NBEA: variants seen among roughly 807,000 people sequenced by gnomAD.
NBEA encodes the protein neurobeachin, also known as lysosomal-trafficking regulator 2.
NBEA carries 44 observed loss-of-function variants against 343.4 expected under a neutral mutation model. That is an observed-to-expected ratio of 0.13 (90% CI 0.10 to 0.16). NBEA has a LOEUF of 0.16. Among genes scored for constraint, NBEA ranks in the 10% least tolerant of loss-of-function variants. NBEA has a pLI of 1.00. For synonymous variants in NBEA, 1,175 were observed against 1,238.7 expected (o/e 0.95, Z 1.08); for missense variants, 2,555 against 3,631.3 (o/e 0.70, Z 7.62).
intron 36 of NBEA, among the ~76,000 whole-genome samples, chr13:35,325,021 A>G (rs2038444512): frequency 6.6e-6 from 1 of 152,138 alleles, no homozygotes. Flanking sequence ...TGAAGTTTAT[A>G]TTATTTAAAT....
chr13:35,219,819 G>A (rs564047191), intron 33 of NBEA, among the ~76,000 whole-genome samples: 1 of 152,222 alleles, frequency 6.6e-6, no homozygotes, highest in South Asian at 2.1e-4. Flanking sequence ...TCAGGCAGAA[G>A]GAGTTTGCTC....
chr13:35,295,167 G>A (rs972883472), intron 35 of NBEA, among the ~76,000 whole-genome samples: 6 of 148,150 alleles, frequency 4.0e-5, no homozygotes, highest in African/African-American at 1.5e-4. Flanking sequence ...ATATTTATTT[G>A]TTTATCTAGG....
In NBEA at chr13:35,529,843, A is replaced by AT. The variant is rs139565990; in HGVS notation, c.6586-20630dup. 7.3e-3 allele frequency among the ~76,000 whole-genome samples: 1,106 copies of AT among 152,310 alleles called. 19 individuals are homozygous for AT. Among genetic ancestry groups the AT allele is most frequent in the East Asian group, 0.064 (330 of 5,178 alleles). On this transcript the variant is annotated intron_variant, in intron 41 of 58. Transcript: ENST00000379939. Reference sequence around the variant, plus strand: ...TTGTTATTGCCATGTGAAAATACTCATTTTGTACCATTATTCTCTTTACAC... The same window carrying AT: ...TTGTTATTGCCATGTGAAAATACTCATTTTTGTACCATTATTCTCTTTACAC...
intron 1 of NBEA, among the ~76,000 whole-genome samples, chr13:34,950,495 A>C (rs1344268029): frequency 6.6e-6 from 1 of 151,816 alleles, no homozygotes; most frequent in Non-Finnish European, 1.5e-5. Context: ...ATTAAAAAAT[A>C]TTTAAATACT....
chr13:34,968,877 A>ATTAATATCAATTGATTG (rs1455429153), intron 1 of NBEA, among the ~76,000 whole-genome samples: 1 of 152,048 alleles, frequency 6.6e-6, no homozygotes, highest in Non-Finnish European at 1.5e-5. Flanking sequence ...AATATCAATT[A>ATTAATATCAATTGATTG]TTAATATCAA....
At chr13:35,383,781 C>T (rs536271918) in intron 38 of NBEA, among the ~76,000 whole-genome samples, 23 of 151,772 alleles carry the variant, frequency 1.5e-4, no homozygotes, top group African/African-American at 5.1e-4. Context: ...AATTTGACCT[C>T]GATGACAGGA....
chr13:35,116,226 C>T lies in NBEA; in HGVS notation c.2003-1188C>T, dbSNP rs1179029924. The stretch of plus-strand genomic sequence containing the variant: ...ACATAAATGCTCAAAATCAGGACCT[C>T]ATCCCTCCACTCTGCAGATAATTCC... On this transcript the variant is annotated intron_variant, in intron 13 of 58. Coordinates refer to ENST00000379939, the MANE Select transcript of NBEA (RefSeq NM_001385012.1). Among the ~76,000 whole-genome samples the T allele has an allele frequency of 3.9e-5, 6 of 152,184 alleles. 1 individual carries two copies. The South Asian group carries it at 8.3e-4, about 21-fold the overall frequency.
In NBEA at chr13:34,943,091, A is replaced by G. The variant is rs1213853770; in HGVS notation, c.271A>G (p.Ile91Val). The G allele has an allele frequency of 1.2e-6, 2 of 1,613,566 alleles. No individual in the cohort carries two copies. The highest frequency in any genetic ancestry group is 1.3e-5 in the African/African-American group (1 of 74,888). ...GGTCGGAGAGGTCAGCAACAGGGACATCGTGGAGACGGTGCTCAACCTGGT... is the reference window on the plus strand; with the variant it reads ...GGTCGGAGAGGTCAGCAACAGGGACGTCGTGGAGACGGTGCTCAACCTGGT... ...IQVGEVSNRD[I>V]VETVLNLLVG... The change falls in exon 1 of 59, where the codon ATC becomes GTC. Residue 91 changes from isoleucine (I) to valine (V), a missense_variant. By Grantham distance (29) the Ile-to-Val change is conservative (BLOSUM62 3). Coordinates refer to ENST00000379939, the MANE Select transcript of NBEA (RefSeq NM_001385012.1).
chr13:35,048,918 A>G (rs2062961391), intron 5 of NBEA, among the ~76,000 whole-genome samples: 1 of 151,800 alleles, frequency 6.6e-6, no homozygotes, highest in Non-Finnish European at 1.5e-5. Context: ...TACAGTTTAA[A>G]AGTCAAAGGT....
At position 35,020,033 on chromosome 13, in the gene NBEA, T is replaced by C. The variant is rs574463786; in HGVS notation, c.295-20900T>C. Among the ~76,000 whole-genome samples the C allele has an allele frequency of 2.2e-4, 33 of 152,290 alleles. No individual in the cohort carries two copies. The South Asian group carries it at 2.7e-3, about 12-fold the overall frequency. ...GTTTTTTTCCCTCTTGTTCTAGTTA[T>C]ATTTTTTCTTTGACTTATTTTGAGT... On this transcript the variant is annotated intron_variant, in intron 1 of 58. Transcript: ENST00000379939.
At chr13:35,322,585 G>A (rs187683831) in intron 36 of NBEA, among the ~76,000 whole-genome samples, 15 of 152,270 alleles carry the variant, frequency 9.9e-5, no homozygotes, top group East Asian at 1.9e-4. Flanking sequence ...GCCAGCCAAC[G>A]CCCCATGCTC....
At chr13:35,483,062 C>A (rs1203496635) in intron 41 of NBEA, among the ~76,000 whole-genome samples, 2 of 151,744 alleles carry the variant, frequency 1.3e-5, no homozygotes, top group Admixed American at 6.6e-5. Context: ...AACACTGACA[C>A]AGGCAAAGTG....
At chr13:35,284,724 G>C (rs2035305396) in intron 34 of NBEA, among the ~76,000 whole-genome samples, 1 of 152,062 alleles carries the variant, frequency 6.6e-6, no homozygotes, top group Non-Finnish European at 1.5e-5. Flanking sequence ...CTGTTTTTTA[G>C]GGTTTAGATC....
intron 10 of NBEA, among the ~76,000 whole-genome samples, chr13:35,072,753 G>C (rs1031437635): frequency 1.3e-5 from 2 of 151,942 alleles, no homozygotes; most frequent in Admixed American, 1.3e-4. Context: ...AGTAGACACA[G>C]GGTTCCACCA....
intron 41 of NBEA, among the ~76,000 whole-genome samples, chr13:35,543,010 T>A (rs1200313974): frequency 6.6e-6 from 1 of 152,074 alleles, no homozygotes; most frequent in African/African-American, 2.4e-5. Context: ...GCAAAAAGTG[T>A]ATATACTTAC....
chr13:34,995,731 A>G (rs943262948), intron 1 of NBEA, among the ~76,000 whole-genome samples: 2 of 152,208 alleles, frequency 1.3e-5, no homozygotes, highest in South Asian at 2.1e-4. Flanking sequence ...TTTTTGTTAC[A>G]TGAGTACACG....
intron 29 of NBEA, among the ~76,000 whole-genome samples, chr13:35,183,524 A>G (rs1007938719): frequency 6.6e-6 from 1 of 152,022 alleles, no homozygotes; most frequent in East Asian, 1.9e-4. Context: ...TTGCTGTTGC[A>G]TGATACATGT....
intron 56 of NBEA, 33 bp downstream of exon 56, chr13:35,665,219 A>G (rs1180830612): frequency 4.0e-6 from 6 of 1,493,834 alleles, no homozygotes; most frequent in Non-Finnish European, 5.5e-6. Context: ...TTCAATGTCT[A>G]GAAGATGACT....
intron 35 of NBEA, among the ~76,000 whole-genome samples, chr13:35,292,332 G>T (rs991897130): frequency 1.3e-5 from 2 of 151,934 alleles, no homozygotes; most frequent in Admixed American, 1.3e-4. Context: ...AATTTGAGAT[G>T]ATTTATATCC....
Sources: gnomAD v4.1 joint callset for allele counts (sites outside exome capture counted in the v4.1 genomes callset) on GRCh38, gnomAD v4.1.1 for gene constraint, MANE v1.5 for transcripts, NCBI Gene and HGNC (gene_info 2026-07-23, HGNC 2026-07-21) for gene names.